The following PCDHA13 variants were observed in gnomAD, a reference collection of about 807,000 sequenced individuals.
The protein encoded by PCDHA13 is protocadherin alpha-13.
In PCDHA13, 54 loss-of-function variants were observed where a neutral mutation model predicts 64.8. That is an observed-to-expected ratio of 0.83 (90% confidence interval 0.67 to 1.04). PCDHA13 has a LOEUF of 1.04. Among genes scored for constraint, PCDHA13 ranks in the 50% least tolerant of loss-of-function variants. The pLI is 0.00. For missense variants in PCDHA13, 1,248 were observed against 1,254.3 expected (o/e 0.99, Z 0.08); for synonymous variants, 587 against 564.4 (o/e 1.04, Z -0.57).
chr5:140,999,922 C>T (rs2097883458), intron 3 of PCDHA13, among the ~76,000 whole-genome samples: 1 of 152,154 alleles, frequency 6.6e-6, no homozygotes, highest in Non-Finnish European at 1.5e-5. Context: ...AATCTTCTTC[C>T]AGCTCAACTC....
intron 1 of PCDHA13, among the ~76,000 whole-genome samples, chr5:140,952,745 A>G (rs1554220592): frequency 6.6e-6 from 1 of 152,220 alleles, no homozygotes; most frequent in African/African-American, 2.4e-5. Context: ...TCACACTGCT[A>G]TAAAAACACC....
intron 1 of PCDHA13, among the ~76,000 whole-genome samples, chr5:140,976,726 T>C (rs2096728998): frequency 6.6e-6 from 1 of 152,202 alleles, no homozygotes; most frequent in East Asian, 1.9e-4. Context: ...TTCATTTATT[T>C]AAACACATTT....
intron 1 of PCDHA13, among the ~76,000 whole-genome samples, chr5:140,886,681 C>T (rs1184298079): frequency 1.3e-5 from 2 of 151,832 alleles, no homozygotes; most frequent in Admixed American, 6.6e-5. Context: ...CAAAAATTAG[C>T]GAGGCATGGT....
intron 1 of PCDHA13, among the ~76,000 whole-genome samples, chr5:140,965,009 T>C (rs2153742434): frequency 6.6e-6 from 1 of 152,248 alleles, no homozygotes; most frequent in South Asian, 2.1e-4. Context: ...GGTGTCAGGA[T>C]CACAACCTTG....
chr5:140,989,563 C>A (rs1399360475), intron 3 of PCDHA13, among the ~76,000 whole-genome samples: 1 of 152,118 alleles, frequency 6.6e-6, no homozygotes, highest in Non-Finnish European at 1.5e-5. Flanking sequence ...TTTTGTGGCT[C>A]CGGCAAGCCC....
chr5:140,926,798 C>T (rs1584463033), intron 1 of PCDHA13: 2 of 1,455,342 alleles, frequency 1.4e-6, no homozygotes, highest in East Asian at 2.5e-5. Context: ...GGAGCGTGCT[C>T]TTCCCCGCGG....
At position 141,009,879 on chromosome 5, in the gene PCDHA13, A is replaced by G; in HGVS notation, c.2795A>G (p.Asn932Ser). Reference protein sequence around the residue: ...TKKKKKKKKGNKTQEKKEKGN... With the variant: ...TKKKKKKKKGSKTQEKKEKGN... ...AAAAAGAAGAAAAAGAAGAAGGGTA[A>G]CAAGACCCAGGAGAAAAAAGAGAAA... Residue 932 changes from asparagine (N) to serine (S), a missense_variant, in exon 4 of 4, where the codon AAC (asparagine) becomes AGC (serine). Asn to Ser is a conservative substitution (Grantham distance 46). Coordinates refer to ENST00000289272, the MANE Select transcript of PCDHA13 (RefSeq NM_018904.3). 12 of 1,613,884 alleles carry G rather than the reference A, an allele frequency of 7.4e-6. No individual in the cohort carries two copies. Among genetic ancestry groups the G allele is most frequent in the Non-Finnish European group, 1.0e-5 (12 of 1,179,984 alleles).
At chr5:140,885,016 T>C (rs1554181958) in intron 1 of PCDHA13, among the ~76,000 whole-genome samples, 1 of 152,244 alleles carries the variant, frequency 6.6e-6, no homozygotes. Flanking sequence ...CTAATCGTAA[T>C]CTTAAATTTA....
intron 1 of PCDHA13, 130 bp downstream of exon 1, chr5:140,884,792 G>T: frequency 7.6e-7 from 1 of 1,312,776 alleles, no homozygotes; most frequent in Non-Finnish European, 1.0e-6. Context: ...AGTTGTTATC[G>T]AATTTAACAA....
intron 1 of PCDHA13, among the ~76,000 whole-genome samples, chr5:140,953,351 C>G (rs1007094673): frequency 3.3e-5 from 5 of 152,122 alleles, no homozygotes; most frequent in Non-Finnish European, 5.9e-5. Context: ...TTCTTTTGTT[C>G]TGTGCACTCA....
intron 1 of PCDHA13, among the ~76,000 whole-genome samples, chr5:140,919,151 G>A (rs1246862771): frequency 2.6e-5 from 4 of 152,122 alleles, no homozygotes; most frequent in African/African-American, 9.7e-5. Flanking sequence ...ATTATTAGAT[G>A]CAAGTATGTT....
At chr5:141,007,804 A>G (rs966389410) in intron 3 of PCDHA13, among the ~76,000 whole-genome samples, 1 of 152,204 alleles carries the variant, frequency 6.6e-6, no homozygotes, top group Non-Finnish European at 1.5e-5. Context: ...TTTATCTGCC[A>G]TTCATTTGCC....
intron 1 of PCDHA13, chr5:140,967,329 G>A: frequency 6.2e-7 from 1 of 1,608,212 alleles, no homozygotes; most frequent in Non-Finnish European, 8.5e-7. Flanking sequence ...TACGAGCTCA[G>A]CCCCAGCGAG....
intron 1 of PCDHA13, among the ~76,000 whole-genome samples, chr5:140,949,990 C>T (rs2094438709): frequency 6.6e-6 from 1 of 151,832 alleles, no homozygotes; most frequent in Non-Finnish European, 1.5e-5. Context: ...TAACTTTTCT[C>T]AGTCCACTTA....
intron 1 of PCDHA13, among the ~76,000 whole-genome samples, chr5:140,894,640 C>T (rs1004479669): frequency 4.6e-5 from 7 of 151,788 alleles, no homozygotes; most frequent in Admixed American, 4.6e-4. Flanking sequence ...CATATCATTA[C>T]TGAGTCTCTC....
rs185756096 is a variant in PCDHA13, at chr5:140,914,471, T to C, written c.2394+29809T>C. On this transcript the variant is annotated intron_variant, in intron 1 of 3. Coordinates refer to ENST00000289272, the MANE Select transcript of PCDHA13 (RefSeq NM_018904.3). The stretch of plus-strand genomic sequence containing the variant: ...ATTTTCCAGTCTATGTGTATCTTCA[T>C]AGGTGAAGTGTTTCTTGTGGGCAAC... Among the ~76,000 whole-genome samples the C allele has an allele frequency of 2.9e-3, 442 of 152,310 alleles. 1 individual carries two copies. Among genetic ancestry groups the C allele is most frequent in the African/African-American group, 0.01 (423 of 41,574 alleles).
chr5:140,928,522 T>G lies in PCDHA13; in HGVS notation c.2394+43860T>G, dbSNP rs373009645. The G allele has an allele frequency of 4.3e-6, 7 of 1,614,150 alleles. No homozygotes were observed. Among genetic ancestry groups the G allele is most frequent in the African/African-American group, 1.3e-5 (1 of 75,032 alleles). On this transcript the variant is annotated intron_variant, in intron 1 of 3. Coordinates refer to ENST00000289272, the MANE Select transcript of PCDHA13 (RefSeq NM_018904.3). ...AAGTGCAACAGTGACTATAAACTTG[T>G]TTGTGGTAGATAGGAATGACAATTA...
At chr5:141,003,160 C>T (rs1383713910) in intron 3 of PCDHA13, among the ~76,000 whole-genome samples, 3 of 152,200 alleles carry the variant, frequency 2.0e-5, no homozygotes. Context: ...CCTGATCAAT[C>T]CTAGTCCCTG....
intron 1 of PCDHA13, among the ~76,000 whole-genome samples, chr5:140,934,682 A>G (rs2089985981): frequency 6.6e-6 from 1 of 152,156 alleles, no homozygotes; most frequent in Non-Finnish European, 1.5e-5. Flanking sequence ...AGTATTCAAA[A>G]CAATGAATTG....
Sources: gnomAD v4.1 joint callset for allele counts (sites outside exome capture counted in the v4.1 genomes callset) on GRCh38, gnomAD v4.1.1 for gene constraint, MANE v1.5 for transcripts, NCBI Gene and HGNC (gene_info 2026-07-23, HGNC 2026-07-21) for gene names.